PCSK5: variants seen among roughly 807,000 people sequenced by gnomAD.
PCSK5 encodes prohormone convertase 5.
A neutral mutation model predicts 233.2 loss-of-function variants in PCSK5; 129 were observed. The observed-to-expected ratio is 0.55, with a 90% confidence interval of 0.48 to 0.64. The LOEUF is 0.64. Ranked by LOEUF, PCSK5 falls within the 30% of genes least tolerant of loss-of-function variation. The pLI is 0.00. For synonymous variants in PCSK5, 825 were observed against 879.2 expected, an observed-to-expected ratio of 0.94 and a Z score of 1.09; for missense variants, 2,076 against 2,430.1, an observed-to-expected ratio of 0.85 and a Z score of 3.06.
At chr9:76,101,402 A>T (rs1395604359) in intron 8 of PCSK5, among the ~76,000 whole-genome samples, 1 of 152,216 alleles carries the variant, frequency 6.6e-6, no homozygotes, top group South Asian at 2.1e-4. Context: ...CTGCAACATG[A>T]TAAAGCTGTT....
In PCSK5 at chr9:76,328,169, T is replaced by G; in HGVS notation, c.4500T>G (p.Val1500=). The G allele has an allele frequency of 2.5e-6, 4 of 1,612,856 alleles. No homozygotes were observed. Among genetic ancestry groups the G allele is most frequent in the Non-Finnish European group, 3.4e-6 (4 of 1,179,860 alleles). ...EDAPGCKPCH[V]KCFHCMGPAE... is the part of the protein sequence containing the mutation. ...CTCCCGGGTGCAAGCCCTGCCATGT[T>G]AAGTGCTTCCACTGCATGGGGCCGG... Residue 1500 remains valine, a synonymous_variant, in exon 33 of 38, where the codon GTT becomes GTG. Transcript: ENST00000674117.
chr9:75,892,290 G>A (rs961091345), intron 1 of PCSK5, among the ~76,000 whole-genome samples: 22 of 152,222 alleles, frequency 1.4e-4, no homozygotes, highest in Non-Finnish European at 1.3e-4. Context: ...TAACAGATTT[G>A]GAAGTACTCC....
chr9:76,038,539 T>G (rs957498503), intron 5 of PCSK5, among the ~76,000 whole-genome samples: 2 of 152,202 alleles, frequency 1.3e-5, no homozygotes, highest in African/African-American at 2.4e-5. Flanking sequence ...GAAATAGGTG[T>G]TGTTATACTT....
intron 1 of PCSK5, among the ~76,000 whole-genome samples, chr9:75,913,240 T>C (rs1014452848): frequency 6.6e-6 from 1 of 152,234 alleles, no homozygotes; most frequent in Non-Finnish European, 1.5e-5. Flanking sequence ...CGCTCCACTC[T>C]TGTCTCAGTC....
Position 75,891,201 on chromosome 9 carries a change from G to A in PCSK5, c.20G>A (p.Cys7Tyr), listed in dbSNP as rs1825579567. 2 of 1,485,818 alleles carry A rather than the reference G, an allele frequency of 1.3e-6. No individual in the cohort carries two copies. Among genetic ancestry groups the A allele is most frequent in the Non-Finnish European group, 1.8e-6 (2 of 1,126,646 alleles). The allele number at this position is 1,485,818 out of a possible 1,614,324, so 92.0% of individuals were successfully genotyped here. A position where few individuals can be genotyped will look rare whatever the true frequency, so the allele number is the denominator to read the frequency against. ...GGGACCATGGGCTGGGGGAGCCGCT[G>A]CTGCTGCCCGGGACGTTTGGACCTG... Reference protein sequence around the residue: MGWGSRCCCPGRLDLLC... With the variant: MGWGSRYCCPGRLDLLC... Residue 7 changes from cysteine to tyrosine, a missense_variant, in exon 1 of 38, where the codon TGC (cysteine) becomes TAC (tyrosine). This residue lies in a region of PCSK5 where 190 missense variants were observed against 216.3 expected (regional missense o/e 0.88). Transcript: ENST00000674117.
At chr9:76,312,443 A>C (rs1346291312) in intron 30 of PCSK5, among the ~76,000 whole-genome samples, 2 of 150,568 alleles carry the variant, frequency 1.3e-5, no homozygotes, top group African/African-American at 4.9e-5. Context: ...CGGGAGGTGG[A>C]GGTTGTGGTG....
chr9:75,927,410 T>C (rs1823542593), intron 1 of PCSK5, among the ~76,000 whole-genome samples: 1 of 150,232 alleles, frequency 6.7e-6, no homozygotes. Flanking sequence ...TTCCTCAAGG[T>C]GGCCACAGTG....
In PCSK5 at chr9:76,131,398, G is replaced by A. The variant is rs1164618220; in HGVS notation, c.1209-2711G>A. Among the ~76,000 whole-genome samples the A allele has an allele frequency of 2.0e-5, 3 of 152,072 alleles. No homozygotes were observed. The East Asian group carries it at 5.8e-4, about 29-fold the overall frequency. On this transcript the variant is annotated intron_variant, in intron 9 of 37. Transcript: ENST00000674117. Reference sequence around the variant, plus strand: ...TTTATCTTCTTTACTTTATTTTGGTGAAATTCAGGAAATTTTCAAATTAGA... The same window carrying A: ...TTTATCTTCTTTACTTTATTTTGGTAAAATTCAGGAAATTTTCAAATTAGA...
chr9:75,951,502 T>G (rs1824854212), intron 2 of PCSK5, among the ~76,000 whole-genome samples: 1 of 152,248 alleles, frequency 6.6e-6, no homozygotes, highest in African/African-American at 2.4e-5. Flanking sequence ...AGTTGTGGTA[T>G]GATTTACAAA....
Position 76,067,961 on chromosome 9 carries a change from G to A in PCSK5, c.639G>A (p.Gly213=). The A allele has an allele frequency of 6.2e-7, 1 of 1,613,476 alleles. No homozygotes were observed. Among genetic ancestry groups the A allele is most frequent in the Middle Eastern group, 1.7e-4 (1 of 5,938 alleles). ...RYDASNENKH[G]TRCAGEVAAA... is the part of the protein sequence containing the mutation. ...GTGTGTGTTCTGCCTGCAGGCATGG[G>A]ACTCGCTGTGCTGGAGAAGTGGCAG... Residue 213 remains glycine, a synonymous_variant, in exon 6 of 38, where the codon GGG becomes GGA. Transcript: ENST00000674117.
At chr9:76,198,461 G>A (rs1370592929) in intron 20 of PCSK5, among the ~76,000 whole-genome samples, 2 of 152,152 alleles carry the variant, frequency 1.3e-5, no homozygotes, top group Non-Finnish European at 2.9e-5. Context: ...AAATCAGGCC[G>A]ATAGACATTC....
Position 76,296,821 on chromosome 9 carries a change from G to A in PCSK5, c.3479G>A (p.Cys1160Tyr). Residue 1160 changes from cysteine (C) to tyrosine (Y), a missense_variant, in exon 27 of 38, where the codon TGC (cysteine) becomes TAC (tyrosine). Physicochemically the swap from Cys to Tyr is radical, Grantham distance 194. Around this residue, in one of 6 missense-constraint regions of PCSK5, gnomAD observed 1,510 missense variants for 1,538.1 expected, o/e 0.98. Transcript: ENST00000674117. ...QEGLQLLRGM[C>Y]VHATKTQEEG... ...GGACTGCAGCTGCTGCGTGGGATGT[G>A]CGTGCATGCCACCAAGACCCAGGAG... is the stretch of plus-strand genomic sequence containing the variant. The A allele has an allele frequency of 5.6e-6, 9 of 1,612,402 alleles. No individual in the cohort carries two copies. The highest frequency in any genetic ancestry group is 7.6e-6 in the Non-Finnish European group (9 of 1,179,592).
At chr9:76,142,668 T>G (rs1384424367) in intron 10 of PCSK5, among the ~76,000 whole-genome samples, 1 of 152,194 alleles carries the variant, frequency 6.6e-6, no homozygotes, top group Non-Finnish European at 1.5e-5. Flanking sequence ...TTTTGTAAGA[T>G]AAGAATCCAG....
At chr9:76,180,687 C>T (rs1823825159) in intron 15 of PCSK5, among the ~76,000 whole-genome samples, 1 of 152,238 alleles carries the variant, frequency 6.6e-6, no homozygotes, top group African/African-American at 2.4e-5. Context: ...ATACTCCAGT[C>T]CCCCAGACAG....
chr9:76,206,533 C>A (rs1282964458), intron 20 of PCSK5, among the ~76,000 whole-genome samples: 1 of 152,204 alleles, frequency 6.6e-6, no homozygotes, highest in East Asian at 1.9e-4. Flanking sequence ...AACATTTGAG[C>A]AGTGGGCAGG....
chr9:76,266,605 C>A (rs1158466522), intron 24 of PCSK5, among the ~76,000 whole-genome samples: 2 of 152,172 alleles, frequency 1.3e-5, no homozygotes, highest in Non-Finnish European at 2.9e-5. Flanking sequence ...ATCTCTCTTC[C>A]ATCAGTGCCA....
chr9:76,343,333 TTGTGTGTGTGTGTGTGTGTG>T (rs57513234), intron 35 of PCSK5, among the ~76,000 whole-genome samples: 1 of 133,812 alleles, frequency 7.5e-6, no homozygotes, highest in Non-Finnish European at 1.6e-5. Flanking sequence ...CCTGGGTAAT[TTGTGTGTGTGTGTGTGTGTG>T]TGTGTGTGTG....
intron 7 of PCSK5, among the ~76,000 whole-genome samples, chr9:76,075,326 A>C (rs1348868268): frequency 6.6e-6 from 1 of 152,044 alleles, no homozygotes; most frequent in Non-Finnish European, 1.5e-5. Flanking sequence ...ACAAACCTTC[A>C]ATTTCACTTG....
At position 76,193,482 on chromosome 9, in the gene PCSK5, T is replaced by C. The variant is rs1238572022; in HGVS notation, c.2626+3736T>C. On this transcript the variant is annotated intron_variant, in intron 20 of 37. Transcript: ENST00000674117. ...CTTTCTTTTCTTGCTCTCTTTTTCT[T>C]TCTCTCTCTCTCAAGTTTGTGCAGG... 7.1e-6 allele frequency: 5 copies of C among 702,306 alleles called. No individual in the cohort carries two copies. In the East Asian group the frequency reaches 8.5e-5, roughly 12 times the overall value. The allele number at this position is 702,306 out of a possible 1,614,324, so 43.5% of individuals were successfully genotyped here.
Sources: gnomAD v4.1 joint callset for allele counts (sites outside exome capture counted in the v4.1 genomes callset) on GRCh38, gnomAD v4.1.1 for gene constraint, gnomAD v4.1.1 regional missense constraint, MANE v1.5 for transcripts, NCBI Gene and HGNC (gene_info 2026-07-23, HGNC 2026-07-21) for gene names.